The following ZMYM4 variants were observed in gnomAD, a reference collection of about 807,000 sequenced individuals.
ZMYM4 encodes the protein zinc finger MYM-type containing 4.
A neutral mutation model predicts 183.2 loss-of-function variants in ZMYM4; 31 were observed. That is an observed-to-expected ratio of 0.17 (90% confidence interval 0.13 to 0.23). The LOEUF is 0.23. Among genes scored for constraint, ZMYM4 ranks in the 10% least tolerant of loss-of-function variants. ZMYM4 has a pLI of 1.00. For missense variants in ZMYM4, 1,273 were observed against 1,840.3 expected (o/e 0.69, Z 5.64); for synonymous variants, 592 against 631.2 (o/e 0.94, Z 0.93).
Position 35,419,783 on chromosome 1 carries a change from C to G in ZMYM4, c.*106C>G. 8.7e-7 allele frequency: 1 copy of G among 1,146,210 alleles called. No individual in the cohort carries two copies. Among genetic ancestry groups the G allele is most frequent in the East Asian group, 2.6e-5 (1 of 39,044 alleles). 71.0% of individuals were successfully genotyped at this position (1,146,210 alleles called of 1,614,324 possible). A position where few individuals can be genotyped will look rare whatever the true frequency, so the allele number is the denominator to read the frequency against. ...TAAGTCTAAGTCCTCTTGACTTGAC[C>G]ATAAGATCATGGAAAACAGATGACT... On this transcript the variant is annotated 3_prime_UTR_variant, in exon 30 of 30. Transcript: ENST00000314607.
chr1:35,320,174 A>G (rs1642223292), intron 1 of ZMYM4, among the ~76,000 whole-genome samples: 1 of 152,248 alleles, frequency 6.6e-6, no homozygotes, highest in South Asian at 2.1e-4. Context: ...ACTTGGGCTT[A>G]GGGCCAGGCC....
intron 13 of ZMYM4, among the ~76,000 whole-genome samples, chr1:35,388,361 C>T (rs1032638337): frequency 1.3e-5 from 2 of 152,132 alleles, no homozygotes; most frequent in Non-Finnish European, 2.9e-5. Context: ...CCCGCCACCA[C>T]ACCTGGCTAA....
At chr1:35,325,317 A>C in intron 1 of ZMYM4, 43 bp from the exon 2 acceptor site, 1 of 1,564,078 alleles carries the variant, frequency 6.4e-7, no homozygotes, top group Non-Finnish European at 8.7e-7. Flanking sequence ...GTATGATAGA[A>C]GATATGATGG....
intron 26 of ZMYM4, 95 bp downstream of exon 26, chr1:35,408,254 A>G: frequency 7.3e-7 from 1 of 1,378,780 alleles, no homozygotes; most frequent in Non-Finnish European, 9.9e-7. Flanking sequence ...ACACCCAGAT[A>G]TATACTGGTA....
At chr1:35,308,877 T>C in intron 1 of ZMYM4, 1 of 708,084 alleles carries the variant, frequency 1.4e-6, no homozygotes, top group Non-Finnish European at 1.7e-6. Flanking sequence ...CAAAAGAAAG[T>C]GGATGATAAA....
At chr1:35,279,646 T>C (rs550158652) in intron 1 of ZMYM4, among the ~76,000 whole-genome samples, 19 of 152,352 alleles carry the variant, frequency 1.2e-4, no homozygotes, top group African/African-American at 4.1e-4. Flanking sequence ...TATTTTACTA[T>C]AAATATCAAG....
chr1:35,396,659 A>T lies in ZMYM4; in HGVS notation c.3019A>T (p.Ile1007Phe). The T allele has an allele frequency of 6.2e-7, 1 of 1,612,930 alleles. No homozygotes were observed. The highest frequency in any genetic ancestry group is 8.5e-7 in the Non-Finnish European group (1 of 1,179,412). Residue 1007 changes from isoleucine to phenylalanine, a missense_variant, in exon 19 of 30, where the codon ATT (isoleucine) becomes TTT (phenylalanine). Physicochemically the swap from Ile to Phe is conservative, Grantham distance 21. Around this residue, in one of 6 missense-constraint regions of ZMYM4, gnomAD observed 290 missense variants for 353.3 expected, o/e 0.82. Transcript: ENST00000314607. ...YTQYAPVPFG[I>F]PVPMPVPMLI... ...TCAATATGCTCCAGTCCCATTTGGAATTCCAGTTCCAGTGAGTAATCATTT... is the reference window on the plus strand; with the variant it reads ...TCAATATGCTCCAGTCCCATTTGGATTTCCAGTTCCAGTGAGTAATCATTT...
Position 35,404,942 on chromosome 1 carries a change from C to T in ZMYM4, c.3529-81C>T, listed in dbSNP as rs570922811. On this transcript the variant is annotated intron_variant, in intron 23 of 29. Transcript: ENST00000314607. ...AAATTCTTTATTCTACAAATGTATA[C>T]CCTTTCCAGCTTTGAGAACCCTGAC... 1.8e-5 allele frequency: 25 copies of T among 1,381,502 alleles called. No individual in the cohort carries two copies. The East Asian group carries it at 5.8e-4, about 32-fold the overall frequency. The allele number at this position is 1,381,502 out of a possible 1,614,324, so 85.6% of individuals were successfully genotyped here.
chr1:35,397,181 T>C, intron 19 of ZMYM4, 196 bp from the exon 20 acceptor site: 1 of 1,073,482 alleles, frequency 9.3e-7, no homozygotes, highest in Non-Finnish European at 1.2e-6. Context: ...TGGTTGAGTG[T>C]CCAAAGCACT....
Position 35,396,593 on chromosome 1 carries a change from C to A in ZMYM4, c.2953C>A (p.Pro985Thr). The change falls in exon 19 of 30, where the codon CCC becomes ACC. Residue 985 changes from proline (P) to threonine (T), a missense_variant. Pro to Thr is a conservative substitution (Grantham distance 38, BLOSUM62 -1). Around this residue, in one of 6 missense-constraint regions of ZMYM4, gnomAD observed 290 missense variants for 353.3 expected, o/e 0.82. Coordinates refer to ENST00000314607, the MANE Select transcript of ZMYM4 (RefSeq NM_005095.3). ...GCCCCAGATTATTGTGGTGCCAGTT[C>A]CCGTACCAGTGTTTGTTCCCATACC... ...SQPQIIVVPV[P>T]VPVFVPIPLH... 6.2e-7 allele frequency: 1 copy of A among 1,613,818 alleles called. No individual in the cohort carries two copies. The highest frequency in any genetic ancestry group is 8.5e-7 in the Non-Finnish European group (1 of 1,179,806).
rs189604226 is a variant in ZMYM4, at chr1:35,352,069, A to G, written c.86-6856A>G. Among the ~76,000 whole-genome samples the G allele has an allele frequency of 1.1e-3, 173 of 152,254 alleles. 1 individual carries two copies. The highest frequency in any genetic ancestry group is 1.9e-3 in the Non-Finnish European group (130 of 68,022). ...CTTGTAAGCATACTACAAAGCTGTA[A>G]TATTCTCAATCTTAAAAAAAATTCT... On this transcript the variant is annotated intron_variant, in intron 2 of 29. Transcript: ENST00000314607.
At chr1:35,327,732 G>T (rs928358653) in intron 2 of ZMYM4, among the ~76,000 whole-genome samples, 2 of 152,184 alleles carry the variant, frequency 1.3e-5, no homozygotes, top group African/African-American at 4.8e-5. Flanking sequence ...TGAATTTCCT[G>T]CAGGGTACTC....
At chr1:35,353,138 G>A (rs866644635) in intron 2 of ZMYM4, among the ~76,000 whole-genome samples, 8 of 152,160 alleles carry the variant, frequency 5.3e-5, no homozygotes, top group Non-Finnish European at 8.8e-5. Context: ...TCTCATATAC[G>A]TATCAGGCAA....
intron 2 of ZMYM4, among the ~76,000 whole-genome samples, chr1:35,337,667 G>A (rs1280314730): frequency 6.6e-6 from 1 of 152,018 alleles, no homozygotes; most frequent in African/African-American, 2.4e-5. Flanking sequence ...AGATAAGGCC[G>A]GGTGTGGTGG....
chr1:35,392,193 T>C lies in ZMYM4; in HGVS notation c.2588-19T>C. ...TATAAATCACGTGAGGTTTCCTTATTTTTGTTTATTTTAATCAGCAAATAT... is the reference window on the plus strand; with the variant it reads ...TATAAATCACGTGAGGTTTCCTTATCTTTGTTTATTTTAATCAGCAAATAT... On this transcript the variant is annotated intron_variant, in intron 15 of 29. Coordinates refer to ENST00000314607, the MANE Select transcript of ZMYM4 (RefSeq NM_005095.3). 6.2e-7 allele frequency: 1 copy of C among 1,614,118 alleles called. No individual in the cohort carries two copies. The highest frequency in any genetic ancestry group is 8.5e-7 in the Non-Finnish European group (1 of 1,179,980).
chr1:35,346,664 A>G (rs1442569750), intron 2 of ZMYM4, among the ~76,000 whole-genome samples: 1 of 151,332 alleles, frequency 6.6e-6, no homozygotes, highest in Admixed American at 6.6e-5. Context: ...AAAAAAAAAA[A>G]AAAAAAGAAA....
At chr1:35,339,356 T>A (rs1643107022) in intron 2 of ZMYM4, among the ~76,000 whole-genome samples, 1 of 152,104 alleles carries the variant, frequency 6.6e-6, no homozygotes, top group Admixed American at 6.6e-5. Flanking sequence ...TGCCTCAGCC[T>A]CCTGAGTAGC....
intron 5 of ZMYM4, among the ~76,000 whole-genome samples, chr1:35,362,726 A>G (rs1643968003): frequency 6.6e-6 from 1 of 151,146 alleles, no homozygotes; most frequent in East Asian, 1.9e-4. Flanking sequence ...TTTTTGAGAC[A>G]AGGTCTTGCT....
intron 1 of ZMYM4, among the ~76,000 whole-genome samples, chr1:35,321,186 T>C (rs1642265815): frequency 6.6e-6 from 1 of 152,154 alleles, no homozygotes; most frequent in Non-Finnish European, 1.5e-5. Context: ...GGAGTAAAGT[T>C]ATTATAGTTG....
Sources: allele counts gnomAD v4.1 joint callset (sites outside exome capture counted in the v4.1 genomes callset), GRCh38; gene constraint gnomAD v4.1.1; regional missense constraint gnomAD v4.1.1; transcripts MANE v1.5; gene names NCBI Gene and HGNC (gene_info 2026-07-23, HGNC 2026-07-21).